Variants in TAOK1 observed in about 807,000 individuals in gnomAD.
TAOK1 encodes the protein TAO kinase 1.
A neutral mutation model predicts 138.3 loss-of-function variants in TAOK1; 21 were observed. The observed-to-expected ratio is 0.15, with a 90% CI of 0.11 to 0.22. The LOEUF (loss-of-function observed/expected upper bound fraction) is 0.22, where lower values mean the gene tolerates loss of function less well. Ranked by LOEUF, TAOK1 falls within the 10% of genes least tolerant of loss-of-function variation. The pLI, the probability that TAOK1 is intolerant of heterozygous loss-of-function variation, is 1.00. For synonymous variants in TAOK1, 361 were observed against 398.4 expected, an observed-to-expected ratio of 0.91 and a Z score of 1.12; for missense variants, 651 against 1,227.7, an observed-to-expected ratio of 0.53 and a Z score of 7.02.
At chr17:29,392,950 C>T (rs1904475394) in intron 1 of TAOK1, among the ~76,000 whole-genome samples, 1 of 152,062 alleles carries the variant, frequency 6.6e-6, no homozygotes, top group African/African-American at 2.4e-5. Context: ...CATTTTATAT[C>T]ATGATTTTGA....
At chr17:29,449,286 AG>A (rs2030173734) in intron 1 of TAOK1, among the ~76,000 whole-genome samples, 1 of 152,200 alleles carries the variant, frequency 6.6e-6, no homozygotes, top group African/African-American at 2.4e-5. Context: ...TATTCTTGGA[AG>A]AACTGTGATT....
chr17:29,522,645 T>C, intron 17 of TAOK1, 126 bp downstream of exon 17: 1 of 1,375,148 alleles, frequency 7.3e-7, no homozygotes, highest in Non-Finnish European at 9.8e-7. Context: ...ATTTTTAGCA[T>C]CTTTGGTTGA....
chr17:29,394,075 C>G (rs1377353522), intron 1 of TAOK1, among the ~76,000 whole-genome samples: 2 of 143,400 alleles, frequency 1.4e-5, no homozygotes, highest in African/African-American at 5.1e-5. Context: ...GAAAGCAACT[C>G]TTTAGTTACA....
At chr17:29,474,806 G>A (rs2030905417) in intron 3 of TAOK1, among the ~76,000 whole-genome samples, 1 of 151,316 alleles carries the variant, frequency 6.6e-6, no homozygotes, top group Non-Finnish European at 1.5e-5. Context: ...AAATGGTGCT[G>A]GTAGACTTGC....
chr17:29,392,909 T>TA (rs1490025707), intron 1 of TAOK1, among the ~76,000 whole-genome samples: 1 of 152,222 alleles, frequency 6.6e-6, no homozygotes, highest in African/African-American at 2.4e-5. Context: ...AAGGTGTTAG[T>TA]AGTAGCGCTA....
chr17:29,393,928 T>A (rs543460734), intron 1 of TAOK1, among the ~76,000 whole-genome samples: 29 of 152,222 alleles, frequency 1.9e-4, no homozygotes, highest in Admixed American at 5.2e-4. Flanking sequence ...AATTATCGTA[T>A]TTTTTATAAT....
chr17:29,540,358 G>GTTTA (rs72127826), intron 19 of TAOK1, among the ~76,000 whole-genome samples: 1 of 151,410 alleles, frequency 6.6e-6, no homozygotes, highest in Non-Finnish European at 1.5e-5. Flanking sequence ...GTTTTTGTTT[G>GTTTA]TTTGTTTGTT....
At chr17:29,531,891 C>T (rs1272753217) in intron 18 of TAOK1, among the ~76,000 whole-genome samples, 8 of 145,142 alleles carry the variant, frequency 5.5e-5, no homozygotes, top group African/African-American at 1.6e-4. Flanking sequence ...GACGGAGTCT[C>T]GCTCTGTCAC....
intron 1 of TAOK1, among the ~76,000 whole-genome samples, chr17:29,407,273 C>A (rs929072636): frequency 1.8e-4 from 28 of 151,922 alleles, no homozygotes; most frequent in African/African-American, 6.8e-4. Flanking sequence ...AGGCATGAGA[C>A]ACCATGTCTG....
At chr17:29,412,676 C>G (rs936767599) in intron 1 of TAOK1, among the ~76,000 whole-genome samples, 2 of 152,166 alleles carry the variant, frequency 1.3e-5, no homozygotes, top group African/African-American at 4.8e-5. Context: ...TGAATAGAAT[C>G]TAATTGAATT....
chr17:29,532,593 T>C (rs937499999), intron 18 of TAOK1, among the ~76,000 whole-genome samples: 1 of 152,126 alleles, frequency 6.6e-6, no homozygotes, highest in East Asian at 1.9e-4. Flanking sequence ...AAAGCACATC[T>C]TGCACCGCCC....
rs36052568 is a variant in TAOK1 at position 29,516,501 on chromosome 17, A to ATTT, written c.1705-936_1705-934dup. ...AGACACGTGCCACCACACCTGGCTA[A>ATTT]TTTTTTTTTTTTTTTTTTGAGACTG... On this transcript the variant is annotated intron_variant, in intron 15 of 19. Transcript: ENST00000261716. Among the ~76,000 whole-genome samples the ATTT allele has an allele frequency of 4.5e-3, 572 of 126,934 alleles. 8 individuals carry two copies. The highest frequency in any genetic ancestry group is 9.9e-3 in the African/African-American group (329 of 33,334). The allele number at this position is 126,934 out of a possible 152,430, so 83.3% of individuals were successfully genotyped here.
At chr17:29,392,230 T>C (rs1476522229) in intron 1 of TAOK1, among the ~76,000 whole-genome samples, 2 of 152,138 alleles carry the variant, frequency 1.3e-5, no homozygotes, top group Non-Finnish European at 2.9e-5. Context: ...AAAAAAATTA[T>C]TAACAATTAT....
intron 1 of TAOK1, among the ~76,000 whole-genome samples, chr17:29,411,558 A>ATT (rs953956539): frequency 6.9e-6 from 1 of 145,028 alleles, no homozygotes; most frequent in Non-Finnish European, 1.5e-5. Flanking sequence ...TGCCTGGCTA[A>ATT]TTTTTTTTTT....
intron 7 of TAOK1, among the ~76,000 whole-genome samples, chr17:29,481,728 G>C (rs1417380675): frequency 6.6e-6 from 1 of 152,038 alleles, no homozygotes; most frequent in Non-Finnish European, 1.5e-5. Flanking sequence ...GGGAGGCCAA[G>C]GCGGGCGGAT....
intron 3 of TAOK1, among the ~76,000 whole-genome samples, chr17:29,474,464 G>A (rs1446594622): frequency 1.3e-5 from 2 of 152,018 alleles, no homozygotes; most frequent in East Asian, 1.9e-4. Flanking sequence ...TGAGTATTCC[G>A]TTCACTTGAA....
At position 29,414,649 on chromosome 17, in the gene TAOK1, C is replaced by T. The variant is rs541564141; in HGVS notation, c.-95+23625C>T. 1.3e-4 allele frequency among the ~76,000 whole-genome samples: 19 copies of T among 148,630 alleles called. No homozygotes were observed. In the South Asian group the frequency reaches 1.5e-3, roughly 12 times the overall value. On this transcript the variant is annotated intron_variant, in intron 1 of 19. Coordinates refer to ENST00000261716, the MANE Select transcript of TAOK1 (RefSeq NM_020791.4). The stretch of plus-strand genomic sequence containing the variant: ...TCGGCTCATTGCAACCTCCGCCTCC[C>T]GGGTTCAAGCGATTCTCCTGCCTCA...
chr17:29,413,247 T>G (rs1905187222), intron 1 of TAOK1, among the ~76,000 whole-genome samples: 1 of 152,122 alleles, frequency 6.6e-6, no homozygotes, highest in Admixed American at 6.6e-5. Context: ...AGGAAATATT[T>G]CCATCCCAAA....
chr17:29,445,048 A>G (rs1316870332), intron 1 of TAOK1, among the ~76,000 whole-genome samples: 1 of 152,208 alleles, frequency 6.6e-6, no homozygotes, highest in African/African-American at 2.4e-5. Flanking sequence ...AACACTGACT[A>G]GAACTTCTAG....
Sources: gnomAD v4.1 joint callset for allele counts (sites outside exome capture counted in the v4.1 genomes callset) on GRCh38, gnomAD v4.1.1 for gene constraint, MANE v1.5 for transcripts, NCBI Gene and HGNC (gene_info 2026-07-23, HGNC 2026-07-21) for gene names.